ATG16L2: variants seen among roughly 807,000 people sequenced by gnomAD.
ATG16L2 encodes autophagy related 16 like 2, also known as protein Atg16l2.
A neutral mutation model predicts 84.7 loss-of-function variants in ATG16L2; 77 were observed. That is an observed-to-expected ratio of 0.91 (90% CI 0.76 to 1.10). ATG16L2 has a LOEUF of 1.10. ATG16L2 is among the 50% of genes least tolerant of loss of function. ATG16L2 has a pLI of 0.00. For synonymous variants in ATG16L2, 361 were observed against 342.8 expected (o/e 1.05, Z -0.59); for missense variants, 782 against 817.6 (o/e 0.96, Z 0.53).
chr11:72,814,447 T>TGGCGG lies in ATG16L2; in HGVS notation c.6_10dup (p.Pro4?). ...GCCGCTAGGCGGGAGAGCGCGGCCA[T>TGGCGG]GGCGGGGCCGGGCGTCCCCGGTGCC... is the stretch of plus-strand genomic sequence containing the variant. On this transcript the variant is annotated frameshift_variant and start_lost, in exon 1 of 18. Coordinates refer to ENST00000321297, the MANE Select transcript of ATG16L2 (RefSeq NM_033388.2). LOFTEE classifies it high-confidence loss of function. The TGGCGG allele has an allele frequency of 6.7e-7, 1 of 1,495,262 alleles. No homozygotes were observed. Among genetic ancestry groups the TGGCGG allele is most frequent in the East Asian group, 2.7e-5 (1 of 36,614 alleles). 92.6% of individuals were successfully genotyped at this position (1,495,262 alleles called of 1,614,324 possible).
chr11:72,835,412 G>A (rs1860704902), intron 5 of ATG16L2, among the ~76,000 whole-genome samples: 1 of 123,426 alleles, frequency 8.1e-6, no homozygotes, highest in South Asian at 2.2e-4. Context: ...CAGGAGAGGT[G>A]GTGGTGAGGA....
intron 9 of ATG16L2, 47 bp from the exon 10 acceptor site, chr11:72,825,255 G>C (rs1196612052): frequency 2.0e-6 from 3 of 1,490,434 alleles, no homozygotes; most frequent in Non-Finnish European, 2.8e-6. Flanking sequence ...CACTCACAGA[G>C]ACATGCGCGG....
chr11:72,831,963 T>G (rs912698897), downstream of ATG16L2, among the ~76,000 whole-genome samples: 2 of 152,206 alleles, frequency 1.3e-5, no homozygotes, highest in Non-Finnish European at 2.9e-5. Context: ...GTGTGCCCCC[T>G]GCCTGCTACC....
chr11:72,822,029 C>T lies in ATG16L2; in HGVS notation c.393-15C>T, dbSNP rs1184223283. The stretch of plus-strand genomic sequence containing the variant: ...GGAAGCTTGGGACCCGCTATCCGCT[C>T]TTTCCGTCCTCCAGGCTGGCAGCCC... On this transcript the variant is annotated splice_polypyrimidine_tract_variant and intron_variant, in intron 4 of 17. Transcript: ENST00000321297. The surrounding 1 kb of genome is among the most constrained non-coding windows in gnomAD (Gnocchi z 4.2). The T allele has an allele frequency of 2.0e-6, 3 of 1,488,838 alleles. No individual in the cohort carries two copies. The highest frequency in any genetic ancestry group is 1.8e-6 in the Non-Finnish European group (2 of 1,135,370). The allele number at this position is 1,488,838 out of a possible 1,614,324, so 92.2% of individuals were successfully genotyped here.
intron 10 of ATG16L2, 130 bp downstream of exon 10, chr11:72,825,537 T>A: frequency 1.4e-6 from 1 of 712,128 alleles, no homozygotes; most frequent in Non-Finnish European, 2.4e-6. Context: ...GGGCAGTGAC[T>A]AGACAATGCC....
At chr11:72,840,804 G>A (rs1483913943) in intron 5 of ATG16L2, 1 of 1,144,100 alleles carries the variant, frequency 8.7e-7, no homozygotes, top group African/African-American at 1.5e-5. Flanking sequence ...AGGGGCCACG[G>A]GGAAACATTA....
At chr11:72,832,932 A>T (rs930512546), downstream of ATG16L2, among the ~76,000 whole-genome samples, 2 of 152,164 alleles carry the variant, frequency 1.3e-5, no homozygotes, top group African/African-American at 4.8e-5. Flanking sequence ...TTCCTGCCCC[A>T]AGCCTCCCCA....
intron 5 of ATG16L2, among the ~76,000 whole-genome samples, chr11:72,836,376 G>A (rs1364456342): frequency 6.6e-6 from 1 of 152,200 alleles, no homozygotes; most frequent in Non-Finnish European, 1.5e-5. Flanking sequence ...ATCCGGCAAG[G>A]GGACTTCAGT....
intron 7 of ATG16L2, chr11:72,823,700 A>G (rs1040898495): frequency 6.4e-6 from 3 of 471,292 alleles, no homozygotes; most frequent in Non-Finnish European, 1.3e-5. Context: ...TCACCCAGTG[A>G]GCCTAGGCTC....
chr11:72,835,294 C>G (rs1175514095), intron 5 of ATG16L2, among the ~76,000 whole-genome samples: 1 of 152,174 alleles, frequency 6.6e-6, no homozygotes, highest in Admixed American at 6.5e-5. Context: ...TTCCCTTGGG[C>G]CTTATGACAA....
At chr11:72,825,703 C>T (rs528913363) in intron 10 of ATG16L2, among the ~76,000 whole-genome samples, 1 of 152,194 alleles carries the variant, frequency 6.6e-6, no homozygotes, top group South Asian at 2.1e-4. Flanking sequence ...CAGGGACAGG[C>T]CCTTGAAGAG....
In ATG16L2 at chr11:72,822,673, G is replaced by A. The variant is rs531002879; in HGVS notation, c.710+130G>A. ...AGGCCCCCATGTGGTCGGAGCCCAC[G>A]AGACACCTGCAGAGGACCGTGTGGT... On this transcript the variant is annotated intron_variant, in intron 6 of 17. Coordinates refer to ENST00000321297, the MANE Select transcript of ATG16L2 (RefSeq NM_033388.2). The surrounding 1 kb of genome is among the most constrained non-coding windows in gnomAD (Gnocchi z 4.2). 145 of 1,257,680 alleles carry A rather than the reference G, an allele frequency of 1.2e-4. 1 individual carries two copies. The Middle Eastern group carries it at 1.5e-3, about 13-fold the overall frequency. 77.9% of individuals were successfully genotyped at this position (1,257,680 alleles called of 1,614,324 possible). A position where few individuals can be genotyped will look rare whatever the true frequency, so the allele number is the denominator to read the frequency against.
At chr11:72,832,519 G>C (rs1591319690), downstream of ATG16L2, among the ~76,000 whole-genome samples, 2 of 152,330 alleles carry the variant, frequency 1.3e-5, no homozygotes, top group East Asian at 3.9e-4. Context: ...CGGGAAGGCT[G>C]TTCCTCCCTC....
At chr11:72,817,345 C>T (rs550948252) in intron 2 of ATG16L2, among the ~76,000 whole-genome samples, 1 of 152,176 alleles carries the variant, frequency 6.6e-6, no homozygotes, top group East Asian at 1.9e-4. Flanking sequence ...AAGCAATTCT[C>T]CTGCCTCAGC....
intron 7 of ATG16L2, chr11:72,823,642 G>A (rs1156370699): frequency 6.8e-6 from 3 of 442,694 alleles, no homozygotes; most frequent in Non-Finnish European, 1.4e-5. Context: ...GGGAGCCCTT[G>A]TGGGCCAAGT....
At chr11:72,826,018 C>T (rs776932794) in intron 10 of ATG16L2, among the ~76,000 whole-genome samples, 155 bp from the exon 11 acceptor site, 6 of 152,078 alleles carry the variant, frequency 3.9e-5, no homozygotes, top group Non-Finnish European at 7.4e-5. Flanking sequence ...TAGTCTCCAG[C>T]CCAGGCCCGC....
exon 6 of ATG16L2, chr11:72,843,100 C>T (rs1217031960): frequency 2.6e-6 from 4 of 1,565,032 alleles, no homozygotes; most frequent in Admixed American, 1.7e-5. Flanking sequence ...CAGGGCAATA[C>T]AGTTTAGGTC....
Position 72,822,988 on chromosome 11 carries a change from G to A in ATG16L2, c.824+27G>A. The A allele has an allele frequency of 2.0e-6, 3 of 1,501,026 alleles. No individual in the cohort carries two copies. The highest frequency in any genetic ancestry group is 1.2e-5 in the South Asian group (1 of 82,606). 93.0% of individuals were successfully genotyped at this position (1,501,026 alleles called of 1,614,324 possible). A position where few individuals can be genotyped will look rare whatever the true frequency, so the allele number is the denominator to read the frequency against. On this transcript the variant is annotated intron_variant, in intron 7 of 17. Coordinates refer to ENST00000321297, the MANE Select transcript of ATG16L2 (RefSeq NM_033388.2). The surrounding 1 kb of genome is among the most constrained non-coding windows in gnomAD (Gnocchi z 4.2). ...TGAGGACCCAGGTGACAGTCTCAGA[G>A]CTCTGAGCTGAGCCCCACCCCAGAG...
rs1353545565 is a variant in ATG16L2 at position 72,827,303 on chromosome 11, G to A, written c.1472+10G>A. 3 of 1,607,228 alleles carry A rather than the reference G, an allele frequency of 1.9e-6. No homozygotes were observed. The highest frequency in any genetic ancestry group is 1.3e-5 in the African/African-American group (1 of 74,802). On this transcript the variant is annotated intron_variant, in intron 14 of 17. Transcript: ENST00000321297. ...GGTTCTGGGACAGCAGGTGACAGGC[G>A]CAGGCTGGGGGAGGACTTGGGGAGG... is the stretch of plus-strand genomic sequence containing the variant.
Sources: allele counts gnomAD v4.1 joint callset (sites outside exome capture counted in the v4.1 genomes callset), GRCh38; gene constraint gnomAD v4.1.1; non-coding constraint Gnocchi (gnomAD v3.1); transcripts MANE v1.5; gene names NCBI Gene and HGNC (gene_info 2026-07-23, HGNC 2026-07-21).